The following ACYP2 variants were observed in gnomAD, a reference collection of about 807,000 sequenced individuals.
ACYP2 encodes acylphosphatase-2.
ACYP2 carries 12 observed loss-of-function variants against 11.2 expected under a neutral mutation model. That is an observed-to-expected ratio of 1.08 (90% CI 0.69 to 1.74). The LOEUF (loss-of-function observed/expected upper bound fraction) is 1.74, where lower values mean the gene tolerates loss of function less well. Ranked by LOEUF, ACYP2 falls within the 40% of genes most tolerant of loss-of-function variation. The pLI is 0.00. For synonymous variants in ACYP2, 43 were observed against 32.2 expected (o/e 1.33, Z -1.13); for missense variants, 134 against 101.9 (o/e 1.31, Z -1.35).
intron 6 of ACYP2, among the ~76,000 whole-genome samples, chr2:54,198,942 G>T (rs1558606216): frequency 6.6e-6 from 1 of 152,178 alleles, no homozygotes; most frequent in Admixed American, 6.5e-5. Context: ...GTAGATAAAA[G>T]ATGGGCAAGG....
intron 2 of ACYP2, among the ~76,000 whole-genome samples, chr2:54,030,044 T>A (rs1416659043): frequency 5.9e-5 from 9 of 152,136 alleles, no homozygotes; most frequent in Non-Finnish European, 8.8e-5. Context: ...TTATGTAGGT[T>A]GAGGTTATGA....
intron 6 of ACYP2, among the ~76,000 whole-genome samples, chr2:54,149,497 TTTA>T (rs1185400468): frequency 6.6e-6 from 1 of 152,230 alleles, no homozygotes; most frequent in Non-Finnish European, 1.5e-5. Flanking sequence ...AATCTATTGT[TTTA>T]TTATGTCTTT....
chr2:54,143,641 C>T (rs567593842), intron 6 of ACYP2, among the ~76,000 whole-genome samples: 1 of 151,308 alleles, frequency 6.6e-6, no homozygotes, highest in South Asian at 2.1e-4. Flanking sequence ...ACCATATTCG[C>T]CAGGCTGGCC....
Position 54,157,823 on chromosome 2 carries a change from G to A in ACYP2, c.404+19075G>A, listed in dbSNP as rs7560189. Among the ~76,000 whole-genome samples, 917 of 152,296 alleles carry A rather than the reference G, an allele frequency of 6.0e-3. 13 individuals carry two copies. The highest frequency in any genetic ancestry group is 0.021 in the African/African-American group (882 of 41,568). On this transcript the variant is annotated intron_variant, in intron 6 of 6. Coordinates refer to ENST00000607452, the MANE Select transcript of ACYP2 (RefSeq NM_001320586.2). Reference sequence around the variant, plus strand: ...CATGGAGGTGACTTCTAAGCTAAGAGATGCATGGTGAAGAGGAGGCTGTCA... The same window carrying A: ...CATGGAGGTGACTTCTAAGCTAAGAAATGCATGGTGAAGAGGAGGCTGTCA...
intron 6 of ACYP2, among the ~76,000 whole-genome samples, chr2:54,260,945 C>A (rs1349148887): frequency 6.6e-6 from 1 of 152,000 alleles, no homozygotes; most frequent in Non-Finnish European, 1.5e-5. Context: ...AATAGGTGGT[C>A]CAAACCATTG....
chr2:54,084,612 A>G (rs946299553), intron 4 of ACYP2: 2 of 152,190 alleles, frequency 1.3e-5, no homozygotes, highest in Non-Finnish European at 2.9e-5. Flanking sequence ...TTTTACTCAT[A>G]AATAACTCAG....
intron 6 of ACYP2, among the ~76,000 whole-genome samples, chr2:54,186,074 G>T (rs531463124): frequency 6.6e-6 from 1 of 152,114 alleles, no homozygotes. Context: ...CATGCGAAAT[G>T]TTTAATATCC....
chr2:54,075,204 A>G lies in ACYP2; in HGVS notation c.277+17844A>G, dbSNP rs566647703. On this transcript the variant is annotated intron_variant, in intron 4 of 6. Coordinates refer to ENST00000607452, the MANE Select transcript of ACYP2 (RefSeq NM_001320586.2). Reference sequence around the variant, plus strand: ...AGATTTAGTAATGGAGGTTATAAAAATAATTCCTAATAGGCCAGGAACAGT... The same window carrying G: ...AGATTTAGTAATGGAGGTTATAAAAGTAATTCCTAATAGGCCAGGAACAGT... Among the ~76,000 whole-genome samples the G allele has an allele frequency of 3.9e-5, 6 of 152,326 alleles. 1 individual carries two copies. In the East Asian group the frequency reaches 1.2e-3, roughly 29 times the overall value.
chr2:54,177,905 A>G (rs72800786), intron 6 of ACYP2, among the ~76,000 whole-genome samples: 1 of 33,214 alleles, frequency 3.0e-5, no homozygotes, highest in Non-Finnish European at 5.5e-5. Flanking sequence ...TTCTTTCTTT[A>G]TTTTTTTTTT....
chr2:54,288,596 G>A (rs1288671080), intron 6 of ACYP2, among the ~76,000 whole-genome samples: 1 of 151,966 alleles, frequency 6.6e-6, no homozygotes, highest in Non-Finnish European at 1.5e-5. Flanking sequence ...ATGATGCATG[G>A]TATTCTAGTT....
At chr2:54,222,017 C>G (rs1464226313) in intron 6 of ACYP2, among the ~76,000 whole-genome samples, 1 of 152,200 alleles carries the variant, frequency 6.6e-6, no homozygotes, top group East Asian at 1.9e-4. Context: ...TCTGTCAAAT[C>G]TGTCAGGCAG....
At chr2:54,262,686 T>G (rs1687832580) in intron 6 of ACYP2, among the ~76,000 whole-genome samples, 1 of 148,134 alleles carries the variant, frequency 6.8e-6, no homozygotes, top group African/African-American at 2.5e-5. Context: ...TTTCTTGAGT[T>G]GTCATTTTAG....
At chr2:54,132,053 T>G (rs1383116585) in intron 4 of ACYP2, among the ~76,000 whole-genome samples, 1 of 152,254 alleles carries the variant, frequency 6.6e-6, no homozygotes, top group East Asian at 1.9e-4. Context: ...TATTCTGGCC[T>G]GTTAGCGGTT....
intron 6 of ACYP2, among the ~76,000 whole-genome samples, chr2:54,224,156 C>T (rs1685907839): frequency 6.6e-6 from 1 of 152,138 alleles, no homozygotes; most frequent in Non-Finnish European, 1.5e-5. Flanking sequence ...TTTTTCTTCT[C>T]AGTCACTTTC....
rs371337101 is a variant in ACYP2 at position 54,051,941 on chromosome 2, G to A, written c.155+891G>A. ...GCATTCCTGTAATCCCAGCTACTCG[G>A]GAAGCTGAGGCATGAGAATCACTTG... On this transcript the variant is annotated intron_variant, in intron 3 of 6. Coordinates refer to ENST00000607452, the MANE Select transcript of ACYP2 (RefSeq NM_001320586.2). 1.5e-4 allele frequency among the ~76,000 whole-genome samples: 23 copies of A among 152,138 alleles called. No individual in the cohort carries two copies. The South Asian group carries it at 4.8e-3, about 32-fold the overall frequency.
intron 2 of ACYP2, among the ~76,000 whole-genome samples, chr2:53,986,691 C>G (rs565851275): frequency 4.7e-5 from 7 of 148,274 alleles, no homozygotes; most frequent in Non-Finnish European, 1.0e-4. Context: ...GTGGTGTGAT[C>G]TTGGGTCACT....
At chr2:54,056,976 AT>A (rs1268828454) in intron 3 of ACYP2, among the ~76,000 whole-genome samples, 2 of 152,222 alleles carry the variant, frequency 1.3e-5, no homozygotes, top group Non-Finnish European at 2.9e-5. Context: ...GTTTATCAAT[AT>A]CTTGCTCACA....
chr2:54,176,291 C>T (rs530722351), intron 6 of ACYP2, among the ~76,000 whole-genome samples: 44 of 152,180 alleles, frequency 2.9e-4, no homozygotes, highest in African/African-American at 8.7e-4. Flanking sequence ...GGTGTGCCCT[C>T]CACTATTTTC....
intron 6 of ACYP2, among the ~76,000 whole-genome samples, chr2:54,168,808 T>G (rs1683113692): frequency 6.6e-6 from 1 of 152,226 alleles, no homozygotes; most frequent in African/African-American, 2.4e-5. Context: ...AGATAACACA[T>G]TAATTGTAAT....
Sources: gnomAD v4.1 joint callset for allele counts (sites outside exome capture counted in the v4.1 genomes callset) on GRCh38, gnomAD v4.1.1 for gene constraint, MANE v1.5 for transcripts, NCBI Gene and HGNC (gene_info 2026-07-23, HGNC 2026-07-21) for gene names.